GPC6: variants seen among roughly 807,000 people sequenced by gnomAD.
GPC6 encodes the protein glypican 6, also known as glypican-6.
A neutral mutation model predicts 55.2 loss-of-function variants in GPC6; 14 were observed. The ratio of observed to expected loss-of-function variants is 0.25; its 90% CI spans 0.17 to 0.40. The LOEUF is 0.40. Ranked by LOEUF, GPC6 falls within the 10% of genes least tolerant of loss-of-function variation. GPC6 has a pLI of 1.00. For missense variants in GPC6, 641 were observed against 708.5 expected, an observed-to-expected ratio of 0.90 and a Z score of 1.08; for synonymous variants, 278 against 259.6, an observed-to-expected ratio of 1.07 and a Z score of -0.68.
chr13:93,423,967 A>C (rs1227916493), intron 1 of GPC6, among the ~76,000 whole-genome samples: 2 of 151,980 alleles, frequency 1.3e-5, no homozygotes, highest in Non-Finnish European at 2.9e-5. Context: ...TATCTGGTGG[A>C]AATCTGCTCC....
chr13:93,666,283 T>G (rs1414204490), intron 2 of GPC6, among the ~76,000 whole-genome samples: 3 of 152,136 alleles, frequency 2.0e-5, no homozygotes, highest in Non-Finnish European at 4.4e-5. Context: ...TGAATACATA[T>G]CTTTTCAATC....
At chr13:93,783,176 T>G (rs1041472665) in intron 2 of GPC6, among the ~76,000 whole-genome samples, 1 of 152,216 alleles carries the variant, frequency 6.6e-6, no homozygotes, top group Non-Finnish European at 1.5e-5. Flanking sequence ...CTGCATAGTA[T>G]TCCATGGTGT....
At chr13:94,212,078 A>T (rs1457699763) in intron 4 of GPC6, among the ~76,000 whole-genome samples, 2 of 152,204 alleles carry the variant, frequency 1.3e-5, no homozygotes, top group Non-Finnish European at 2.9e-5. Flanking sequence ...TAACCTGGGA[A>T]GGTGGGTTCT....
chr13:93,477,882 C>A (rs1879357033), intron 1 of GPC6, among the ~76,000 whole-genome samples: 1 of 152,098 alleles, frequency 6.6e-6, no homozygotes, highest in South Asian at 2.1e-4. Flanking sequence ...AATATAAGAA[C>A]AAATGTATGA....
At chr13:93,238,091 ACT>A (rs1009555118) in intron 1 of GPC6, among the ~76,000 whole-genome samples, 12 of 151,858 alleles carry the variant, frequency 7.9e-5, no homozygotes, top group Non-Finnish European at 1.2e-4. Flanking sequence ...GCTTTTTCTA[ACT>A]CTGTGAAAAA....
intron 4 of GPC6, among the ~76,000 whole-genome samples, chr13:94,240,457 G>T (rs367767516): frequency 6.6e-6 from 1 of 151,958 alleles, no homozygotes. Context: ...GTCTAAAGCC[G>T]TAAGGATAAA....
chr13:93,859,782 C>A (rs1472360299), intron 3 of GPC6, among the ~76,000 whole-genome samples: 1 of 151,648 alleles, frequency 6.6e-6, no homozygotes, highest in Non-Finnish European at 1.5e-5. Context: ...AGCCTCATGA[C>A]TGACTGACTC....
chr13:93,359,207 C>T (rs551992131), intron 1 of GPC6, among the ~76,000 whole-genome samples: 1 of 152,124 alleles, frequency 6.6e-6, no homozygotes, highest in Non-Finnish European at 1.5e-5. Flanking sequence ...CTGAAGCAAT[C>T]TTCCAGCCTA....
chr13:93,914,680 C>T (rs960108394), intron 3 of GPC6, among the ~76,000 whole-genome samples: 1 of 152,020 alleles, frequency 6.6e-6, no homozygotes, highest in Admixed American at 6.6e-5. Context: ...GTTAATTCTA[C>T]TTAACTAATA....
At chr13:93,446,780 G>A (rs143714935) in intron 1 of GPC6, among the ~76,000 whole-genome samples, 4 of 152,218 alleles carry the variant, frequency 2.6e-5, no homozygotes, top group East Asian at 1.9e-4. Context: ...GAACTTGAAC[G>A]AGGTTAATGT....
intron 4 of GPC6, among the ~76,000 whole-genome samples, chr13:94,162,711 T>A (rs1888210181): frequency 6.6e-6 from 1 of 152,162 alleles, no homozygotes; most frequent in African/African-American, 2.4e-5. Context: ...GGGTCAAATT[T>A]TTTTCTCCTA....
chr13:93,233,577 C>G (rs1328365), intron 1 of GPC6, among the ~76,000 whole-genome samples: 86,449 of 152,036 alleles, frequency 0.57, 25,183 homozygotes, highest in African/African-American at 0.67. Flanking sequence ...TGAATTAATT[C>G]CAACTGAGAT....
intron 2 of GPC6, among the ~76,000 whole-genome samples, chr13:93,758,204 CTT>C (rs1401524697): frequency 1.3e-5 from 2 of 152,144 alleles, no homozygotes; most frequent in Non-Finnish European, 2.9e-5. Flanking sequence ...TTTGAAATGA[CTT>C]TGATTTTCAG....
chr13:93,252,270 T>C (rs1226402608), intron 1 of GPC6, among the ~76,000 whole-genome samples: 3 of 151,624 alleles, frequency 2.0e-5, no homozygotes, highest in African/African-American at 4.9e-5. Context: ...TCCCTTTTTT[T>C]TCCCCCCAGG....
chr13:93,383,757 TG>T (rs1875282128), intron 1 of GPC6, among the ~76,000 whole-genome samples: 1 of 152,078 alleles, frequency 6.6e-6, no homozygotes, highest in Non-Finnish European at 1.5e-5. Flanking sequence ...ATAGGGAGAC[TG>T]AATACACTTT....
chr13:93,261,790 T>A (rs1053841209), intron 1 of GPC6, among the ~76,000 whole-genome samples: 3 of 152,136 alleles, frequency 2.0e-5, no homozygotes, highest in Admixed American at 6.5e-5. Context: ...GTCTCTTCAC[T>A]TTTGAGGTGT....
intron 4 of GPC6, among the ~76,000 whole-genome samples, chr13:94,061,504 A>G (rs1234495601): frequency 2.0e-5 from 3 of 152,080 alleles, no homozygotes; most frequent in African/African-American, 7.2e-5. Flanking sequence ...CCCAAGGAGC[A>G]AAGGGAGGGG....
chr13:93,961,981 G>C (rs1879797559), intron 3 of GPC6, among the ~76,000 whole-genome samples: 1 of 152,128 alleles, frequency 6.6e-6, no homozygotes, highest in African/African-American at 2.4e-5. Context: ...AACTATTCCT[G>C]AGGCTGTTCA....
intron 2 of GPC6, among the ~76,000 whole-genome samples, chr13:93,691,950 T>A (rs1464423273): frequency 6.6e-6 from 1 of 152,084 alleles, no homozygotes; most frequent in Non-Finnish European, 1.5e-5. Context: ...CTTCAGTACC[T>A]ACCCTATCCC....
Sources: gnomAD v4.1 joint callset for allele counts (sites outside exome capture counted in the v4.1 genomes callset) on GRCh38, gnomAD v4.1.1 for gene constraint, MANE v1.5 for transcripts, NCBI Gene and HGNC (gene_info 2026-07-23, HGNC 2026-07-21) for gene names.